GRIN2A: variants seen among roughly 807,000 people sequenced by gnomAD.
GRIN2A encodes glutamate ionotropic receptor NMDA type subunit 2A, also known as glutamate receptor ionotropic, NMDA 2A.
Under a neutral mutation model 113.4 loss-of-function variants are expected in GRIN2A, and 22 were observed. The ratio of observed to expected loss-of-function variants is 0.19; its 90% CI spans 0.14 to 0.28. The LOEUF (loss-of-function observed/expected upper bound fraction) is 0.28. Ranked by LOEUF, GRIN2A falls within the 10% of genes least tolerant of loss-of-function variation. The probability of loss-of-function intolerance (pLI) is 1.00; values close to 1 mark genes in which losing one functional copy is unlikely to be tolerated. For synonymous variants in GRIN2A, 827 were observed against 738.4 expected, an observed-to-expected ratio of 1.12 and a Z score of -1.94; for missense variants, 1,502 against 1,887.0, an observed-to-expected ratio of 0.80 and a Z score of 3.78.
chr16:10,049,642 G>C (rs1291641866), intron 2 of GRIN2A, among the ~76,000 whole-genome samples: 3 of 152,210 alleles, frequency 2.0e-5, no homozygotes, highest in Non-Finnish European at 2.9e-5. Flanking sequence ...GCCTCCCAAA[G>C]TGCTGGGATT....
At chr16:10,013,974 T>A (rs1256968830) in intron 2 of GRIN2A, among the ~76,000 whole-genome samples, 2 of 152,220 alleles carry the variant, frequency 1.3e-5, no homozygotes, top group Non-Finnish European at 2.9e-5. Flanking sequence ...AGCTCCTCTG[T>A]TGAATGATAT....
intron 4 of GRIN2A, among the ~76,000 whole-genome samples, chr16:9,880,129 A>G (rs1267942895): frequency 6.6e-6 from 1 of 152,062 alleles, no homozygotes; most frequent in Non-Finnish European, 1.5e-5. Context: ...TCATGGCACT[A>G]CCCAGGCTGG....
At chr16:10,067,985 G>C (rs1004918165) in intron 2 of GRIN2A, among the ~76,000 whole-genome samples, 6 of 152,194 alleles carry the variant, frequency 3.9e-5, no homozygotes, top group African/African-American at 1.2e-4. Flanking sequence ...GTGGAACTTG[G>C]GCAGGTTAAT....
intron 2 of GRIN2A, among the ~76,000 whole-genome samples, chr16:10,068,586 C>T (rs533016039): frequency 6.6e-6 from 1 of 152,334 alleles, no homozygotes; most frequent in African/African-American, 2.4e-5. Flanking sequence ...CCTCCATGAT[C>T]CAAACACTTC....
chr16:9,857,821 T>C (rs2042994839), intron 4 of GRIN2A, among the ~76,000 whole-genome samples: 1 of 152,258 alleles, frequency 6.6e-6, no homozygotes. Context: ...GATTATTTCA[T>C]GTTTTAACTT....
chr16:10,053,640 G>A (rs1038950565), intron 2 of GRIN2A, among the ~76,000 whole-genome samples: 3 of 152,212 alleles, frequency 2.0e-5, no homozygotes, highest in African/African-American at 2.4e-5. Flanking sequence ...AATGGAGCCA[G>A]GATTAGACCA....
chr16:10,115,260 C>A (rs1356571235), intron 2 of GRIN2A, among the ~76,000 whole-genome samples: 1 of 151,962 alleles, frequency 6.6e-6, no homozygotes, highest in African/African-American at 2.4e-5. Context: ...TTGTAATTTC[C>A]TTATGGTTTC....
rs1342773764 is a variant in GRIN2A at position 9,896,518 on chromosome 16, G to A, written c.1008-5418C>T. Among the ~76,000 whole-genome samples the A allele has an allele frequency of 5.3e-5, 8 of 152,142 alleles. 1 individual carries two copies. The highest frequency in any genetic ancestry group is 1.2e-4 in the African/African-American group (5 of 41,430). On this transcript the variant is annotated intron_variant, in intron 3 of 12. Transcript: ENST00000330684. ...GAATTAGCAGAGTGATTACTGAGAC[G>A]CAAACACTGTTCTTCAGATTATATG...
intron 2 of GRIN2A, among the ~76,000 whole-genome samples, chr16:10,066,860 A>G (rs1488088341): frequency 6.6e-6 from 1 of 152,230 alleles, no homozygotes; most frequent in Non-Finnish European, 1.5e-5. Context: ...TATTCACAAT[A>G]GCCAAAGGTG....
chr16:10,123,222 G>A (rs1198852222), intron 2 of GRIN2A, among the ~76,000 whole-genome samples: 1 of 152,110 alleles, frequency 6.6e-6, no homozygotes, highest in Non-Finnish European at 1.5e-5. Flanking sequence ...TCCCTAGATT[G>A]TGTTTGCCAA....
intron 10 of GRIN2A, among the ~76,000 whole-genome samples, chr16:9,801,449 C>G (rs1490125431): frequency 6.6e-6 from 1 of 152,178 alleles, no homozygotes; most frequent in Non-Finnish European, 1.5e-5. Context: ...CCTGCTAAGC[C>G]ACTGTGCACT....
chr16:9,872,338 G>A (rs998387549), intron 4 of GRIN2A, among the ~76,000 whole-genome samples: 4 of 152,132 alleles, frequency 2.6e-5, no homozygotes, highest in African/African-American at 4.8e-5. Context: ...GGAGGAAGTC[G>A]CCAGCCCACT....
intron 11 of GRIN2A, among the ~76,000 whole-genome samples, chr16:9,788,855 G>A (rs2141202804): frequency 6.6e-6 from 1 of 150,518 alleles, no homozygotes; most frequent in Non-Finnish European, 1.5e-5. Flanking sequence ...TAATTCTCCT[G>A]CCTCAGCCTC....
chr16:9,799,301 C>A (rs1162872094), intron 10 of GRIN2A, among the ~76,000 whole-genome samples: 1 of 152,168 alleles, frequency 6.6e-6, no homozygotes, highest in African/African-American at 2.4e-5. Flanking sequence ...TGAACACAGA[C>A]ATGCACACAG....
chr16:9,825,973 G>A (rs965445244), intron 9 of GRIN2A, among the ~76,000 whole-genome samples: 4 of 151,056 alleles, frequency 2.6e-5, no homozygotes, highest in African/African-American at 7.3e-5. Context: ...GGAAGGAGTA[G>A]GAGGAGAAGG....
chr16:10,074,071 C>A (rs2047819254), intron 2 of GRIN2A, among the ~76,000 whole-genome samples: 1 of 152,080 alleles, frequency 6.6e-6, no homozygotes, highest in African/African-American at 2.4e-5. Flanking sequence ...CAAAGGGTCT[C>A]AATAGACATT....
intron 11 of GRIN2A, among the ~76,000 whole-genome samples, chr16:9,788,033 C>T (rs1327178647): frequency 3.9e-5 from 6 of 152,142 alleles, no homozygotes; most frequent in African/African-American, 4.8e-5. Flanking sequence ...AGGAGAAGCA[C>T]GGATGGCTCT....
rs568800770 is a variant in GRIN2A, at chr16:9,916,150, A to G, written c.1007+21809T>C. 5.5e-4 allele frequency among the ~76,000 whole-genome samples: 84 copies of G among 152,338 alleles called. 1 individual carries two copies. Among genetic ancestry groups the G allele is most frequent in the Middle Eastern group, 3.4e-3 (1 of 294 alleles). ...TTATCTGTAAAATTGGAATAATCCC[A>G]TGCAACTCAAAGAATTGTTATGAGG... On this transcript the variant is annotated intron_variant, in intron 3 of 12. Coordinates refer to ENST00000330684, the MANE Select transcript of GRIN2A (RefSeq NM_001134407.3).
At chr16:10,038,525 T>C (rs1596451424) in intron 2 of GRIN2A, among the ~76,000 whole-genome samples, 2 of 151,764 alleles carry the variant, frequency 1.3e-5, no homozygotes, top group Non-Finnish European at 2.9e-5. Flanking sequence ...CTCCACCTTA[T>C]CCCCAGTTTG....
Sources: gnomAD v4.1 joint callset for allele counts (sites outside exome capture counted in the v4.1 genomes callset) on GRCh38, gnomAD v4.1.1 for gene constraint, MANE v1.5 for transcripts, NCBI Gene and HGNC (gene_info 2026-07-23, HGNC 2026-07-21) for gene names.